Variants in MPDZ observed in about 807,000 individuals in gnomAD.
The protein encoded by MPDZ is multiple PDZ domain crumbs cell polarity complex component, also known as multiple PDZ domain protein.
In MPDZ, 234 loss-of-function variants were observed where a neutral mutation model predicts 239.1. The ratio of observed to expected loss-of-function variants is 0.98; its 90% confidence interval spans 0.88 to 1.09. The LOEUF is 1.09. MPDZ is among the 50% of genes least tolerant of loss of function. The pLI is 0.00. For synonymous variants in MPDZ, 1,048 were observed against 881.3 expected (o/e 1.19, Z -3.35); for missense variants, 3,175 against 2,510.0 (o/e 1.26, Z -5.66).
intron 3 of MPDZ, among the ~76,000 whole-genome samples, chr9:13,237,976 G>C (rs779759398): frequency 6.6e-6 from 1 of 152,158 alleles, no homozygotes; most frequent in Non-Finnish European, 1.5e-5. Context: ...TCCTGTAGTA[G>C]AGAGTGAAAT....
intron 38 of MPDZ, 92 bp from the exon 39 acceptor site, chr9:13,119,741 T>G: frequency 6.7e-7 from 1 of 1,483,988 alleles, no homozygotes; most frequent in Admixed American, 1.8e-5. Flanking sequence ...CCAAAATTTT[T>G]ACTTGTTTTT....
intron 34 of MPDZ, among the ~76,000 whole-genome samples, chr9:13,125,685 C>A (rs1050205080): frequency 1.3e-5 from 2 of 152,052 alleles, no homozygotes; most frequent in Non-Finnish European, 2.9e-5. Context: ...TAATCTCATC[C>A]GTTTTTCTGA....
Position 13,193,283 on chromosome 9 carries a change from T to C in MPDZ, c.1687A>G (p.Ser563Gly), listed in dbSNP as rs767901173. Residue 563 changes from serine to glycine, a missense_variant, in exon 14 of 47, where the codon AGT (serine) becomes GGT (glycine). Physicochemically the swap from Ser to Gly is moderately conservative, Grantham distance 56 (BLOSUM62 0). Coordinates refer to ENST00000319217, the MANE Select transcript of MPDZ (RefSeq NM_001378778.1). The part of the protein sequence containing the change: ...VAHVSKFSEN[S>G]GLGISLEATV... ...GCTTCCAGGCTTATCCCCAATCCAC[T>C]GTTCTCACTAAACTTGCTCACATGG... 4.3e-6 allele frequency: 7 copies of C among 1,611,166 alleles called. No individual in the cohort carries two copies. In the Admixed American group the frequency reaches 1.2e-4, roughly 27 times the overall value.
intron 1 of MPDZ, among the ~76,000 whole-genome samples, chr9:13,264,579 T>C (rs1050129019): frequency 1.8e-4 from 28 of 151,574 alleles, no homozygotes; most frequent in Non-Finnish European, 1.5e-5. Context: ...TTTCCTTTTC[T>C]AAAAATGTTT....
At chr9:13,134,982 A>C (rs1297185610) in intron 31 of MPDZ, 1 of 152,058 alleles carries the variant, frequency 6.6e-6, no homozygotes, top group Non-Finnish European at 1.5e-5. Context: ...TTCTCTCTAA[A>C]TGCTCTCTGT....
intron 23 of MPDZ, among the ~76,000 whole-genome samples, chr9:13,159,221 A>G (rs1163890915): frequency 6.6e-6 from 1 of 152,158 alleles, no homozygotes; most frequent in Non-Finnish European, 1.5e-5. Context: ...CTCTCCAAGA[A>G]CATCTCATTC....
chr9:13,217,420 A>AG, intron 8 of MPDZ, 126 bp from the exon 9 acceptor site: 1 of 633,618 alleles, frequency 1.6e-6, no homozygotes, highest in Non-Finnish European at 2.7e-6. Context: ...TCTCTAGCAA[A>AG]GAATTATAGC....
At chr9:13,148,983 C>T (rs186925700) in intron 25 of MPDZ, among the ~76,000 whole-genome samples, 1 of 132,162 alleles carries the variant, frequency 7.6e-6, no homozygotes, top group Admixed American at 7.6e-5. Context: ...TTCTTGTCTA[C>T]AAAAAAAAAA....
intron 45 of MPDZ, 89 bp downstream of exon 45, chr9:13,109,862 TC>T: frequency 1.0e-6 from 1 of 983,860 alleles, no homozygotes; most frequent in Non-Finnish European, 1.6e-6. Flanking sequence ...TGTACGTAAT[TC>T]CTAGAAACAT....
intron 1 of MPDZ, among the ~76,000 whole-genome samples, chr9:13,268,333 G>A (rs1972236285): frequency 6.6e-6 from 1 of 151,940 alleles, no homozygotes; most frequent in Non-Finnish European, 1.5e-5. Context: ...GAAGGTACTT[G>A]CATAGGATCC....
intron 3 of MPDZ, among the ~76,000 whole-genome samples, chr9:13,243,584 A>G (rs1403245848): frequency 6.6e-6 from 1 of 152,168 alleles, no homozygotes; most frequent in Admixed American, 6.5e-5. Context: ...TATAAAACCA[A>G]AATTTTACAT....
chr9:13,192,129 A>C lies in MPDZ; in HGVS notation c.1968+2T>G, dbSNP rs778068125. 3 of 1,589,096 alleles carry C rather than the reference A, an allele frequency of 1.9e-6. No homozygotes were observed. The highest frequency in any genetic ancestry group is 2.3e-5 in the East Asian group (1 of 44,300). Reference sequence around the variant, plus strand: ...TTAGCCTCATGTATGCAAATCTGATACCTTTTCTGTTAGCTCAATATCACA... The same window carrying C: ...TTAGCCTCATGTATGCAAATCTGATCCCTTTTCTGTTAGCTCAATATCACA... On this transcript the variant is annotated splice_donor_variant, in intron 15 of 46. Coordinates refer to ENST00000319217, the MANE Select transcript of MPDZ (RefSeq NM_001378778.1). LOFTEE classifies it high-confidence loss of function.
chr9:13,196,193 T>C lies in MPDZ; in HGVS notation c.1584A>G (p.Glu528=), dbSNP rs772304808. ...GAGCAGCTTCTTGTTTTTGTGCATCTTCTATTTCTTCTATCTCAGCTGACA... is the reference window on the plus strand; with the variant it reads ...GAGCAGCTTCTTGTTTTTGTGCATCCTCTATTTCTTCTATCTCAGCTGACA... ...PLLSAEIEEI[E]DAQKQEAALL... The change falls in exon 13 of 47, where the codon GAA becomes GAG. Residue 528 remains glutamate (E), a synonymous_variant. Transcript: ENST00000319217. The C allele has an allele frequency of 1.3e-5, 21 of 1,598,520 alleles. No individual in the cohort carries two copies. The highest frequency in any genetic ancestry group is 1.8e-5 in the Non-Finnish European group (21 of 1,171,234).
chr9:13,245,416 A>G (rs1966374010), intron 3 of MPDZ, among the ~76,000 whole-genome samples: 1 of 151,494 alleles, frequency 6.6e-6, no homozygotes, highest in South Asian at 2.1e-4. Context: ...CCTTTGAAAA[A>G]AAAAAAAAAA....
At chr9:13,154,449 C>A (rs554366530) in intron 24 of MPDZ, among the ~76,000 whole-genome samples, 14 of 152,250 alleles carry the variant, frequency 9.2e-5, no homozygotes, top group African/African-American at 3.1e-4. Context: ...AACTGAGTCT[C>A]TGGGTTCCAG....
chr9:13,169,746 C>A (rs1267423349), intron 21 of MPDZ, among the ~76,000 whole-genome samples: 2 of 152,182 alleles, frequency 1.3e-5, no homozygotes, highest in Non-Finnish European at 2.9e-5. Context: ...ACTTGCTCAG[C>A]ACAGTCTGTA....
intron 24 of MPDZ, among the ~76,000 whole-genome samples, chr9:13,151,737 T>C (rs571776938): frequency 1.3e-5 from 2 of 152,150 alleles, no homozygotes; most frequent in East Asian, 3.9e-4. Flanking sequence ...TGTAGAGCAA[T>C]GTGAATGTAC....
chr9:13,229,058 G>C (rs912050548), intron 3 of MPDZ, among the ~76,000 whole-genome samples: 6 of 152,062 alleles, frequency 3.9e-5, no homozygotes, highest in Non-Finnish European at 5.9e-5. Flanking sequence ...TGTGCTAGGA[G>C]AGCTGTTTCT....
chr9:13,135,168 A>T, intron 31 of MPDZ: 1 of 152,172 alleles, frequency 6.6e-6, no homozygotes, highest in East Asian at 1.9e-4. Flanking sequence ...ATCTTTCTGT[A>T]TTTTCTATTC....
Sources: allele counts gnomAD v4.1 joint callset (sites outside exome capture counted in the v4.1 genomes callset), GRCh38; gene constraint gnomAD v4.1.1; transcripts MANE v1.5; gene names NCBI Gene and HGNC (gene_info 2026-07-23, HGNC 2026-07-21).